Variants in STX7 observed in about 807,000 individuals in gnomAD.
STX7 encodes syntaxin 7.
In STX7, 34 loss-of-function variants were observed where a neutral mutation model predicts 39.6. That is an observed-to-expected ratio of 0.86 (90% CI 0.65 to 1.14). STX7 has a LOEUF of 1.14. Ranked by LOEUF, STX7 falls within the 50% of genes most tolerant of loss-of-function variation. STX7 has a pLI of 0.00. For missense variants in STX7, 284 were observed against 310.4 expected (o/e 0.92, Z 0.64); for synonymous variants, 119 against 99.1 (o/e 1.20, Z -1.19).
At chr6:132,475,761 A>C (rs899054148) in intron 2 of STX7, 99 bp from the exon 3 acceptor site, 1 of 633,678 alleles carries the variant, frequency 1.6e-6, no homozygotes, top group African/African-American at 1.9e-5. Context: ...AGTTGAAAAG[A>C]GACAGAAAAA....
At chr6:132,475,279 A>G (rs1391774584) in intron 3 of STX7, 1 of 165,974 alleles carries the variant, frequency 6.0e-6, no homozygotes, top group African/African-American at 2.4e-5. Flanking sequence ...GCTCGCCACC[A>G]CGCCTGGCTA....
At chr6:132,510,717 C>T (rs1303495023) in intron 1 of STX7, among the ~76,000 whole-genome samples, 4 of 152,158 alleles carry the variant, frequency 2.6e-5, no homozygotes, top group East Asian at 3.8e-4. Flanking sequence ...GTGCTAATCT[C>T]CACATTGCAA....
chr6:132,454,442 G>C lies in STX7; in HGVS notation c.*6316C>G, dbSNP rs767684960. 1.3e-5 allele frequency: 2 copies of C among 152,112 alleles called. No individual in the cohort carries two copies. The highest frequency in any genetic ancestry group is 2.9e-5 in the Non-Finnish European group (2 of 68,000). 9.4% of individuals were successfully genotyped at this position (152,112 alleles called of 1,614,324 possible). On this transcript the variant is annotated 3_prime_UTR_variant, in exon 10 of 10. Transcript: ENST00000367941. Reference sequence around the variant, plus strand: ...GACAGTTTTGAAAGATGTTCACTGTGTGGGAAACAAAGTGAAAGGTACACG... The same window carrying C: ...GACAGTTTTGAAAGATGTTCACTGTCTGGGAAACAAAGTGAAAGGTACACG...
intron 2 of STX7, among the ~76,000 whole-genome samples, chr6:132,482,376 T>C (rs555668921): frequency 6.6e-6 from 1 of 152,272 alleles, no homozygotes; most frequent in South Asian, 2.1e-4. Context: ...AAAGGGCTTA[T>C]AGGAACATAA....
At chr6:132,505,286 G>A (rs1201538527) in intron 1 of STX7, among the ~76,000 whole-genome samples, 1 of 152,154 alleles carries the variant, frequency 6.6e-6, no homozygotes, top group Non-Finnish European at 1.5e-5. Flanking sequence ...GAAGATTTCT[G>A]GTAGAGAAGA....
At chr6:132,499,689 C>T (rs1489516723) in intron 2 of STX7, among the ~76,000 whole-genome samples, 2 of 152,170 alleles carry the variant, frequency 1.3e-5, no homozygotes, top group African/African-American at 4.8e-5. Context: ...CTGATTTCCA[C>T]ATTTTTTAAT....
intron 2 of STX7, among the ~76,000 whole-genome samples, chr6:132,502,731 C>T (rs1370321727): frequency 6.6e-6 from 1 of 152,094 alleles, no homozygotes; most frequent in Non-Finnish European, 1.5e-5. Flanking sequence ...AACCCCGTCT[C>T]TACTAAAAAT....
At chr6:132,485,761 T>C (rs538326566) in intron 2 of STX7, among the ~76,000 whole-genome samples, 1 of 152,346 alleles carries the variant, frequency 6.6e-6, no homozygotes, top group African/African-American at 2.4e-5. Context: ...ACTAATGATG[T>C]TGAACATCTT....
intron 2 of STX7, among the ~76,000 whole-genome samples, chr6:132,497,753 A>G (rs1775452189): frequency 6.6e-6 from 1 of 152,204 alleles, no homozygotes; most frequent in Non-Finnish European, 1.5e-5. Context: ...ATACTTATAA[A>G]CCCACAAAGG....
chr6:132,509,161 T>C (rs1775777393), intron 1 of STX7, among the ~76,000 whole-genome samples: 1 of 152,050 alleles, frequency 6.6e-6, no homozygotes, highest in Non-Finnish European at 1.5e-5. Flanking sequence ...TGAACTCAGT[T>C]AGAAAAACCA....
intron 9 of STX7, 113 bp downstream of exon 9, chr6:132,463,880 T>G: frequency 1.0e-6 from 1 of 989,952 alleles, no homozygotes; most frequent in South Asian, 1.4e-5. Flanking sequence ...GATTTTAAAT[T>G]TTAACATCTT....
Position 132,484,289 on chromosome 6 carries a change from C to A in STX7, c.86-8627G>T, listed in dbSNP as rs144454216. 9.9e-4 allele frequency among the ~76,000 whole-genome samples: 150 copies of A among 152,224 alleles called. 2 individuals are homozygous for A. Among genetic ancestry groups the A allele is most frequent in the African/African-American group, 3.4e-3 (142 of 41,542 alleles). ...GGGTCATCAAAAACAAAACAGTGTC[C>A]CGTTTCTGGCTCTTCTACAGCAATG... is the stretch of plus-strand genomic sequence containing the variant. On this transcript the variant is annotated intron_variant, in intron 2 of 9. Transcript: ENST00000367941.
chr6:132,506,385 C>G (rs1351549471), intron 1 of STX7, among the ~76,000 whole-genome samples: 1 of 151,954 alleles, frequency 6.6e-6, no homozygotes, highest in Non-Finnish European at 1.5e-5. Context: ...TTACAAGAAA[C>G]TCAAACAACT....
At chr6:132,462,586 T>C (rs1380552597) in intron 9 of STX7, among the ~76,000 whole-genome samples, 2 of 64,488 alleles carry the variant, frequency 3.1e-5, no homozygotes, top group African/African-American at 9.7e-5. Flanking sequence ...TGCAGGGGTG[T>C]GTGTGTGTGT....
Position 132,447,623 on chromosome 6 carries a change from T to G in STX7, c.*13135A>C, listed in dbSNP as rs1774042661. ...TTTGTTTAGAACTGTTATACCTACT[T>G]CAGTTGAAATTTTTATTATTTTTGA... On this transcript the variant is annotated 3_prime_UTR_variant, in exon 10 of 10. Coordinates refer to ENST00000367941, the MANE Select transcript of STX7 (RefSeq NM_003569.3). 1 of 152,128 alleles carries G rather than the reference T, an allele frequency of 6.6e-6. No individual in the cohort carries two copies. The highest frequency in any genetic ancestry group is 2.4e-5 in the African/African-American group (1 of 41,442). The allele number at this position is 152,128 out of a possible 1,614,324, so 9.4% of individuals were successfully genotyped here.
rs538394738 is a variant in STX7 at position 132,451,097 on chromosome 6, T to A, written c.*9661A>T. On this transcript the variant is annotated 3_prime_UTR_variant, in exon 10 of 10. Transcript: ENST00000367941. Reference sequence around the variant, plus strand: ...TCTCATGGGGAACCATGAAATTTTCTTTCCTTTTTTTTTTTTTTGACAAGG... The same window carrying A: ...TCTCATGGGGAACCATGAAATTTTCATTCCTTTTTTTTTTTTTTGACAAGG... 6.7e-6 allele frequency: 1 copy of A among 150,312 alleles called. No homozygotes were observed. Among genetic ancestry groups the A allele is most frequent in the Admixed American group, 6.6e-5 (1 of 15,200 alleles). The allele number at this position is 150,312 out of a possible 1,614,324, so 9.3% of individuals were successfully genotyped here. A position where few individuals can be genotyped will look rare whatever the true frequency, so the allele number is the denominator to read the frequency against.
intron 2 of STX7, among the ~76,000 whole-genome samples, chr6:132,487,285 C>T (rs776355712): frequency 1.1e-4 from 17 of 152,110 alleles, no homozygotes; most frequent in Non-Finnish European, 2.2e-4. Context: ...ATAATACTCT[C>T]TTAATTGCAG....
intron 2 of STX7, among the ~76,000 whole-genome samples, chr6:132,475,963 C>A (rs531817230): frequency 2.0e-5 from 3 of 152,066 alleles, no homozygotes; most frequent in Non-Finnish European, 2.9e-5. Context: ...CAAGGGCACA[C>A]AGACTTTAAC....
In STX7 at chr6:132,453,575, C is replaced by T. The variant is rs1482570992; in HGVS notation, c.*7183G>A. The T allele has an allele frequency of 6.6e-6, 1 of 150,972 alleles. No individual in the cohort carries two copies. The highest frequency in any genetic ancestry group is 1.5e-5 in the Non-Finnish European group (1 of 67,590). 9.4% of individuals were successfully genotyped at this position (150,972 alleles called of 1,614,324 possible). A position where few individuals can be genotyped will look rare whatever the true frequency, so the allele number is the denominator to read the frequency against. Reference sequence around the variant, plus strand: ...GCACACACACACATTATTTAAAAGCCCTCAAAACTCAACAGAAAAAAAATC... The same window carrying T: ...GCACACACACACATTATTTAAAAGCTCTCAAAACTCAACAGAAAAAAAATC... On this transcript the variant is annotated 3_prime_UTR_variant, in exon 10 of 10. Transcript: ENST00000367941.
Sources: allele counts gnomAD v4.1 joint callset (sites outside exome capture counted in the v4.1 genomes callset), GRCh38; gene constraint gnomAD v4.1.1; transcripts MANE v1.5; gene names NCBI Gene and HGNC (gene_info 2026-07-23, HGNC 2026-07-21).